The following COL4A5 variants were observed in gnomAD, a reference collection of about 807,000 sequenced individuals.
The protein encoded by COL4A5 is collagen type IV alpha 5 chain.
Under a neutral mutation model 130.2 loss-of-function variants are expected in COL4A5, and 26 were observed. The observed-to-expected ratio is 0.20, with a 90% CI of 0.15 to 0.28. The LOEUF is 0.28. COL4A5 is among the 10% of genes least tolerant of loss of function. The pLI, the probability that COL4A5 is intolerant of heterozygous loss-of-function variation, is 1.00. For missense variants in COL4A5, 1,131 were observed against 1,344.3 expected (o/e 0.84, Z 2.48); for synonymous variants, 496 against 439.6 (o/e 1.13, Z -1.60).
chrX:108,559,945 G>A (rs1356723485), intron 3 of COL4A5, among the ~76,000 whole-genome samples: 1 of 111,040 alleles, frequency 9.0e-6, no homozygotes, highest in East Asian at 2.8e-4. Context: ...CCTACCAAGA[G>A]GACTTTGGTT....
chrX:108,548,255 C>T (rs1402112895), intron 2 of COL4A5, among the ~76,000 whole-genome samples: 2 of 111,778 alleles, frequency 1.8e-5, no homozygotes, highest in Admixed American at 1.9e-4. Context: ...TGGAACCACC[C>T]ATTTTGGAAA....
intron 20 of COL4A5, 64 bp downstream of exon 20, chrX:108,591,295 C>T: frequency 9.4e-7 from 1 of 1,061,009 alleles, no homozygotes; most frequent in East Asian, 3.0e-5. Context: ...TTATAAGTAA[C>T]TCTAGCTAAA....
intron 1 of COL4A5, among the ~76,000 whole-genome samples, chrX:108,458,958 T>C (rs993688512): frequency 2.0e-5 from 2 of 98,191 alleles, no homozygotes; most frequent in South Asian, 5.0e-4. Flanking sequence ...CCAGCCTGGG[T>C]GACAGCGAGA....
In COL4A5 at chrX:108,604,707, A is replaced by G. The variant is rs186207155; in HGVS notation, c.2244+1646A>G. On this transcript the variant is annotated intron_variant, in intron 28 of 52. Coordinates refer to ENST00000328300, the MANE Select transcript of COL4A5 (RefSeq NM_033380.3). ...AATTTACTTATCTTCTCTAGCTATG[A>G]AAGTCCTATGAGCATTTTATTCCAA... Among the ~76,000 whole-genome samples the G allele has an allele frequency of 2.7e-3, 303 of 112,404 alleles. 1 individual carries two copies. Among genetic ancestry groups the G allele is most frequent in the Middle Eastern group, 4.6e-3 (1 of 217 alleles).
At chrX:108,622,583 T>G in intron 32 of COL4A5, 93 bp from the exon 33 acceptor site, 1 of 991,713 alleles carries the variant, frequency 1.0e-6, no homozygotes, top group Non-Finnish European at 1.4e-6. Flanking sequence ...GCCAGTGGCC[T>G]ACTCAACTAT....
rs1425680119 is a variant in COL4A5 at position 108,584,523 on chromosome X, C to G, written c.1030C>G (p.Leu344Val). Residue 344 changes from leucine to valine, a missense_variant and splice_region_variant, in exon 18 of 53, where the codon CTT (leucine) becomes GTT (valine). By Grantham distance (32) the Leu-to-Val change is conservative. Coordinates refer to ENST00000328300, the MANE Select transcript of COL4A5 (RefSeq NM_033380.3). Reference protein sequence around the residue: ...GDTGPPGPPGLVIPRPGTGIT... With the variant: ...GDTGPPGPPGVVIPRPGTGIT... ...CACTGGCCCACCTGGACCTCCTGGA[C>G]TTGTAAGTTTTTTTTTTTTAGTCTT... 8.4e-7 allele frequency: 1 copy of G among 1,194,857 alleles called. No individual in the cohort carries two copies. Among genetic ancestry groups the G allele is most frequent in the East Asian group, 3.0e-5 (1 of 33,566 alleles).
At chrX:108,647,448 C>A (rs748762277) in intron 36 of COL4A5, among the ~76,000 whole-genome samples, 143 of 111,735 alleles carry the variant, frequency 1.3e-3, no homozygotes, top group African/African-American at 4.1e-3. Flanking sequence ...TGAGACTTTG[C>A]TGAAGTTGCT....
chrX:108,584,612 C>A, intron 18 of COL4A5, 87 bp downstream of exon 18: 1 of 766,349 alleles, frequency 1.3e-6, no homozygotes, highest in Admixed American at 3.0e-5. Flanking sequence ...CCTACTTTTT[C>A]TTGATAGAAC....
intron 21 of COL4A5, among the ~76,000 whole-genome samples, chrX:108,594,151 T>C (rs1241655675): frequency 8.9e-6 from 1 of 112,333 alleles, no homozygotes; most frequent in Non-Finnish European, 1.9e-5. Flanking sequence ...AGCTTCTTAC[T>C]TAAAAAGCAG....
chrX:108,478,745 A>G (rs1339829290), intron 1 of COL4A5, among the ~76,000 whole-genome samples: 1 of 111,832 alleles, frequency 8.9e-6, no homozygotes, highest in Non-Finnish European at 1.9e-5. Context: ...GATGGTGGAT[A>G]AGGCATTTCG....
chrX:108,654,183 T>A (rs1158108380), intron 36 of COL4A5, among the ~76,000 whole-genome samples: 1 of 112,547 alleles, frequency 8.9e-6, no homozygotes, highest in Non-Finnish European at 1.9e-5. Flanking sequence ...GTTGCCATTG[T>A]TATTGGGAAA....
chrX:108,590,344 A>G (rs1266434501), intron 19 of COL4A5, among the ~76,000 whole-genome samples: 2 of 111,632 alleles, frequency 1.8e-5, no homozygotes, highest in Non-Finnish European at 3.8e-5. Context: ...TAAAATTCAC[A>G]GTAGAATAAC....
At chrX:108,451,846 T>G (rs750044650) in intron 1 of COL4A5, among the ~76,000 whole-genome samples, 13 of 111,763 alleles carry the variant, frequency 1.2e-4, no homozygotes, top group Admixed American at 2.9e-4. Context: ...ACTCTTTAGT[T>G]TAATTAGATC....
rs1269910825 is a variant in COL4A5 at position 108,627,509 on chromosome X, T to TA, written c.3246+1161dup. 1.4e-5 allele frequency: 10 copies of TA among 733,473 alleles called. No homozygotes were observed. The African/African-American group carries it at 2.3e-4, about 17-fold the overall frequency. 60.4% of individuals were successfully genotyped at this position (733,473 alleles called of 1,213,427 possible). On this transcript the variant is annotated intron_variant, in intron 36 of 52. Transcript: ENST00000328300. ...TTTTATTTCTTTTTTCAATATATCTTAGACAATTTTCTTTGTCGTCATACA... is the reference window on the plus strand; with the variant it reads ...TTTTATTTCTTTTTTCAATATATCTTAAGACAATTTTCTTTGTCGTCATACA...
At chrX:108,514,935 C>CT (rs1279128452) in intron 1 of COL4A5, among the ~76,000 whole-genome samples, 1 of 111,513 alleles carries the variant, frequency 9.0e-6, no homozygotes. Flanking sequence ...ATTCTTTGAG[C>CT]TTTTTTGACA....
At chrX:108,610,888 G>T (rs1381187044) in intron 29 of COL4A5, among the ~76,000 whole-genome samples, 2 of 111,672 alleles carry the variant, frequency 1.8e-5, no homozygotes, top group East Asian at 5.6e-4. Context: ...TGAATCAGTA[G>T]AAGCTCAAAT....
intron 1 of COL4A5, among the ~76,000 whole-genome samples, chrX:108,447,658 A>C (rs1031101391): frequency 1.8e-5 from 2 of 111,269 alleles, no homozygotes; most frequent in African/African-American, 6.5e-5. Context: ...AGACAGACTT[A>C]ATTTTTCTTT....
At chrX:108,582,012 A>G (rs1431609962) in intron 16 of COL4A5, among the ~76,000 whole-genome samples, 1 of 110,675 alleles carries the variant, frequency 9.0e-6, no homozygotes, top group Non-Finnish European at 1.9e-5. Context: ...TATCAAGAGT[A>G]TCCGCAGTAG....
At chrX:108,587,326 C>CT (rs59169605) in intron 19 of COL4A5, among the ~76,000 whole-genome samples, 9,112 of 104,096 alleles carry the variant, frequency 0.088, 884 homozygotes, top group African/African-American at 0.29. Flanking sequence ...ATGAGATCAA[C>CT]TTTTTTTTTT....
Sources: gnomAD v4.1 joint callset for allele counts (sites outside exome capture counted in the v4.1 genomes callset) on GRCh38, gnomAD v4.1.1 for gene constraint, MANE v1.5 for transcripts, NCBI Gene and HGNC (gene_info 2026-07-23, HGNC 2026-07-21) for gene names.